ZNF385D: variants seen among roughly 807,000 people sequenced by gnomAD.
ZNF385D encodes the protein zinc finger protein 385D.
ZNF385D carries 15 observed loss-of-function variants against 35.8 expected under a neutral mutation model. The observed-to-expected ratio is 0.42, with a 90% CI of 0.28 to 0.64. The LOEUF (loss-of-function observed/expected upper bound fraction) is 0.64, where lower values mean the gene tolerates loss of function less well. Ranked by LOEUF, ZNF385D falls within the 30% of genes least tolerant of loss-of-function variation. The pLI is 0.23. For synonymous variants in ZNF385D, 212 were observed against 186.8 expected (o/e 1.13, Z -1.10); for missense variants, 474 against 494.6 (o/e 0.96, Z 0.39).
At chr3:22,344,177 G>GGTGGGGTGTGTGTGTGTGT (rs1553652923) in intron 2 of ZNF385D, among the ~76,000 whole-genome samples, 1 of 140,756 alleles carries the variant, frequency 7.1e-6, no homozygotes, top group African/African-American at 2.7e-5. Flanking sequence ...GGTGGGGTGG[G>GGTGGGGTGTGTGTGTGTGT]GTGTGTGTGT....
At chr3:22,163,529 C>T (rs775183093) in intron 3 of ZNF385D, among the ~76,000 whole-genome samples, 90 of 151,620 alleles carry the variant, frequency 5.9e-4, no homozygotes, top group Admixed American at 1.9e-3. Context: ...AATGCTCTTG[C>T]TTATTCAAGT....
intron 3 of ZNF385D, among the ~76,000 whole-genome samples, chr3:22,043,352 A>C (rs530200029): frequency 3.8e-4 from 58 of 152,266 alleles, no homozygotes; most frequent in African/African-American, 1.2e-3. Context: ...CCCAGATTCT[A>C]AACTGTTAAT....
At chr3:21,480,450 A>T (rs1179011978) in intron 4 of ZNF385D, among the ~76,000 whole-genome samples, 3 of 151,976 alleles carry the variant, frequency 2.0e-5, no homozygotes, top group Non-Finnish European at 4.4e-5. Context: ...GGAAAAAGGA[A>T]CCCCAGGAGG....
intron 2 of ZNF385D, among the ~76,000 whole-genome samples, chr3:21,606,388 ATTTTCT>A (rs1003412964): frequency 1.3e-5 from 2 of 152,088 alleles, no homozygotes; most frequent in Admixed American, 6.6e-5. Context: ...CTTTGAGTAG[ATTTTCT>A]TTTTCTTATT....
At chr3:22,219,139 A>G (rs1393925624) in intron 2 of ZNF385D, among the ~76,000 whole-genome samples, 1 of 152,098 alleles carries the variant, frequency 6.6e-6, no homozygotes, top group Non-Finnish European at 1.5e-5. Flanking sequence ...GCTGAGACAG[A>G]TTTATATTTC....
At chr3:21,563,209 TGTGAAAATACA>T (rs1275620505) in intron 3 of ZNF385D, 2 of 152,204 alleles carry the variant, frequency 1.3e-5, no homozygotes, top group East Asian at 1.9e-4. Context: ...CCTTCCACCA[TGTGAAAATACA>T]GTGAAAATAT....
chr3:21,494,311 G>A (rs1705657105), intron 4 of ZNF385D, among the ~76,000 whole-genome samples: 1 of 152,096 alleles, frequency 6.6e-6, no homozygotes, highest in African/African-American at 2.4e-5. Context: ...ACTGTAGGCA[G>A]GCACATTAGA....
intron 3 of ZNF385D, among the ~76,000 whole-genome samples, chr3:22,015,758 T>C (rs116242301): frequency 1.1e-4 from 17 of 152,144 alleles, no homozygotes; most frequent in Non-Finnish European, 2.1e-4. Context: ...CTCTTCTAAT[T>C]GCTCTCCATC....
chr3:22,248,131 G>T (rs891120909), intron 2 of ZNF385D, among the ~76,000 whole-genome samples: 1 of 152,056 alleles, frequency 6.6e-6, no homozygotes, highest in African/African-American at 2.4e-5. Context: ...CTGTTTTCTG[G>T]CATCAGGCAA....
intron 3 of ZNF385D, among the ~76,000 whole-genome samples, chr3:21,930,716 G>A (rs1442504922): frequency 6.6e-6 from 1 of 152,100 alleles, no homozygotes. Flanking sequence ...AGGCAAGTCA[G>A]TGAGAGGAAT....
At chr3:21,601,445 C>A (rs1202627939) in intron 2 of ZNF385D, among the ~76,000 whole-genome samples, 1 of 152,132 alleles carries the variant, frequency 6.6e-6, no homozygotes, top group Non-Finnish European at 1.5e-5. Flanking sequence ...AAAAGTAACA[C>A]AAGATTGTAG....
At chr3:21,972,133 C>A (rs1703297372) in intron 3 of ZNF385D, among the ~76,000 whole-genome samples, 1 of 151,900 alleles carries the variant, frequency 6.6e-6, no homozygotes, top group South Asian at 2.1e-4. Context: ...TATTTTCAGC[C>A]AATGGCTGCA....
At chr3:21,933,383 G>A (rs185938306) in intron 3 of ZNF385D, among the ~76,000 whole-genome samples, 5 of 152,226 alleles carry the variant, frequency 3.3e-5, no homozygotes, top group Admixed American at 6.5e-5. Flanking sequence ...TGGTACATTT[G>A]AAATCATGTA....
At chr3:21,867,572 GTATTTACTCTAT>G (rs1481804438) in intron 3 of ZNF385D, among the ~76,000 whole-genome samples, 1 of 152,090 alleles carries the variant, frequency 6.6e-6, no homozygotes, top group Non-Finnish European at 1.5e-5. Flanking sequence ...TTTGCATCTT[GTATTTACTCTAT>G]TTATGTTTAC....
At chr3:22,350,749 G>C (rs1695878479) in intron 2 of ZNF385D, among the ~76,000 whole-genome samples, 1 of 152,138 alleles carries the variant, frequency 6.6e-6, no homozygotes, top group South Asian at 2.1e-4. Flanking sequence ...CTTCTTGACA[G>C]AGTGCTCCTT....
chr3:21,951,296 CTCTTTGTAGCAATTGTGAATGG>C (rs1364357186), intron 3 of ZNF385D, among the ~76,000 whole-genome samples: 1 of 151,458 alleles, frequency 6.6e-6, no homozygotes, highest in African/African-American at 2.4e-5. Flanking sequence ...GTGTTTTATT[CTCTTTGTAGCAATTGTGAATGG>C]GAGTTCTCTC....
chr3:21,547,123 T>G (rs1041952115), intron 3 of ZNF385D, among the ~76,000 whole-genome samples: 1 of 152,162 alleles, frequency 6.6e-6, no homozygotes, highest in Non-Finnish European at 1.5e-5. Flanking sequence ...TCGGATCCTC[T>G]CTTCACTGAT....
At chr3:22,178,034 G>C (rs547283487) in intron 2 of ZNF385D, among the ~76,000 whole-genome samples, 2 of 152,060 alleles carry the variant, frequency 1.3e-5, no homozygotes, top group Non-Finnish European at 2.9e-5. Flanking sequence ...GAATACTGCC[G>C]CATTAAACAT....
chr3:21,557,491 G>T (rs1330355321), intron 3 of ZNF385D, among the ~76,000 whole-genome samples: 1 of 152,168 alleles, frequency 6.6e-6, no homozygotes, highest in Non-Finnish European at 1.5e-5. Flanking sequence ...TGTTGAACCA[G>T]CCTTGCATCC....
Sources: gnomAD v4.1 joint callset for allele counts (sites outside exome capture counted in the v4.1 genomes callset) on GRCh38, gnomAD v4.1.1 for gene constraint, MANE v1.5 for transcripts, NCBI Gene and HGNC (gene_info 2026-07-23, HGNC 2026-07-21) for gene names.